CLCF1: variants seen among roughly 807,000 people sequenced by gnomAD.
CLCF1 encodes the protein cardiotrophin-like cytokine factor 1.
In CLCF1, 10 loss-of-function variants were observed where a neutral mutation model predicts 21.2. The observed-to-expected ratio is 0.47, with a 90% CI of 0.29 to 0.80. The LOEUF is 0.80. CLCF1 is among the 30% of genes least tolerant of loss of function. The pLI is 0.09. For missense variants in CLCF1, 240 were observed against 293.4 expected (o/e 0.82, Z 1.33); for synonymous variants, 115 against 120.5 (o/e 0.95, Z 0.30).
rs1862070224 is a variant in CLCF1, at chr11:67,365,205, G to GT, written c.608dup (p.Asn203LysfsTer42). 1 of 1,613,934 alleles carries GT rather than the reference G, an allele frequency of 6.2e-7. No individual in the cohort carries two copies. Among genetic ancestry groups the GT allele is most frequent in the Non-Finnish European group, 8.5e-7 (1 of 1,180,042 alleles). On this transcript the variant is annotated frameshift_variant, in exon 3 of 3. Transcript: ENST00000312438. LOFTEE classifies it high-confidence loss of function. The surrounding 1 kb of genome is among the most constrained non-coding windows in gnomAD (Gnocchi z 5.0). ...GAGGCTGCATCTTCTTCTTGAGCCG[G>GT]TTGAAGTCCTTGGCCGAGCGCCACA...
upstream of CLCF1, chr11:67,374,135 GAC>G: frequency 1.0e-6 from 1 of 985,668 alleles, no homozygotes; most frequent in Non-Finnish European, 1.2e-6. Flanking sequence ...TAAATGCAAT[GAC>G]ACATTCTCCC....
At position 67,372,989 on chromosome 11, in the gene CLCF1, T is replaced by G. The variant is rs1243000063; in HGVS notation, c.16+535A>C. Reference sequence around the variant, plus strand: ...GGCCCGGCCCAGCCAGGCTCGGCGCTGCCCTCCGCCCTCCTCTCCGCCGCC... The same window carrying G: ...GGCCCGGCCCAGCCAGGCTCGGCGCGGCCCTCCGCCCTCCTCTCCGCCGCC... On this transcript the variant is annotated intron_variant, in intron 1 of 2. Coordinates refer to ENST00000312438, the MANE Select transcript of CLCF1 (RefSeq NM_013246.3). The surrounding 1 kb of genome is among the most constrained non-coding windows in gnomAD (Gnocchi z 5.9). Among the ~76,000 whole-genome samples, 11 of 149,408 alleles carry G rather than the reference T, an allele frequency of 7.4e-5. No individual in the cohort carries two copies. The highest frequency in any genetic ancestry group is 1.6e-4 in the Non-Finnish European group (11 of 67,122).
In CLCF1 at chr11:67,367,446, C is replaced by A. The variant is rs761391507; in HGVS notation, c.183+14G>T. On this transcript the variant is annotated intron_variant, in intron 2 of 2. Transcript: ENST00000312438. ...CTCCTCCCCAACTCCCAGATTCCTA[C>A]GCTGGATACTCACATAGGTCCCAGC... is the stretch of plus-strand genomic sequence containing the variant. The A allele has an allele frequency of 1.2e-6, 2 of 1,614,200 alleles. No homozygotes were observed. Among genetic ancestry groups the A allele is most frequent in the Admixed American group, 1.7e-5 (1 of 60,032 alleles).
Position 67,364,877 on chromosome 11 carries a change from C to T in CLCF1, c.*259G>A. ...ATGAGCGCCTCTGCACCAACCTGAA[C>T]CACTTCACACTCCCTCGAGCATGAC... is the stretch of plus-strand genomic sequence containing the variant. On this transcript the variant is annotated 3_prime_UTR_variant, in exon 3 of 3. Transcript: ENST00000312438. The T allele has an allele frequency of 1.8e-6, 1 of 543,742 alleles. No individual in the cohort carries two copies. Among genetic ancestry groups the T allele is most frequent in the Non-Finnish European group, 3.2e-6 (1 of 311,610 alleles). 33.7% of individuals were successfully genotyped at this position (543,742 alleles called of 1,614,324 possible).
chr11:67,366,128 T>A (rs183729786), intron 2 of CLCF1, among the ~76,000 whole-genome samples: 2 of 151,906 alleles, frequency 1.3e-5, no homozygotes, highest in Non-Finnish European at 2.9e-5. Context: ...GGCAAGGAGG[T>A]GCCTGACGAC....
chr11:67,365,153 C>T lies in CLCF1; in HGVS notation c.661G>A (p.Gly221Arg), dbSNP rs757714256. 11 of 1,610,330 alleles carry T rather than the reference C, an allele frequency of 6.8e-6. No individual in the cohort carries two copies. Among genetic ancestry groups the T allele is most frequent in the Non-Finnish European group, 9.3e-6 (11 of 1,179,844 alleles). Reference sequence around the variant, plus strand: ...GTCAGAAGTCAGAAGCCATGAGCCCCCAGGTGCAGGGTGACTGCAGCTGCT... The same window carrying T: ...GTCAGAAGTCAGAAGCCATGAGCCCTCAGGTGCAGGGTGACTGCAGCTGCT... ...PPAAAVTLHLGAHGF is the reference protein window; with the variant it reads ...PPAAAVTLHLRAHGF The change falls in exon 3 of 3, where the codon GGG becomes AGG. Residue 221 changes from glycine to arginine, a missense_variant. By Grantham distance (125) the Gly-to-Arg change is moderately radical (BLOSUM62 -2). Coordinates refer to ENST00000312438, the MANE Select transcript of CLCF1 (RefSeq NM_013246.3). This position sits in a 1 kb window ranked among gnomAD's most constrained non-coding sequence, Gnocchi z 5.0.
chr11:67,372,249 C>T lies in CLCF1; in HGVS notation c.16+1275G>A, dbSNP rs1192158981. Among the ~76,000 whole-genome samples the T allele has an allele frequency of 1.3e-5, 2 of 152,024 alleles. No homozygotes were observed. The highest frequency in any genetic ancestry group is 2.9e-5 in the Non-Finnish European group (2 of 67,974). The stretch of plus-strand genomic sequence containing the variant: ...GCTTAGCCTCCACCCGCCCGTCTCC[C>T]CTCCTCTCCTGGTAGCCCCTCACAC... On this transcript the variant is annotated intron_variant, in intron 1 of 2. Coordinates refer to ENST00000312438, the MANE Select transcript of CLCF1 (RefSeq NM_013246.3). This position sits in a 1 kb window ranked among gnomAD's most constrained non-coding sequence, Gnocchi z 5.9.
At position 67,372,729 on chromosome 11, in the gene CLCF1, G is replaced by C. The variant is rs1375961278; in HGVS notation, c.16+795C>G. 6.7e-6 allele frequency among the ~76,000 whole-genome samples: 1 copy of C among 149,872 alleles called. No homozygotes were observed. Among genetic ancestry groups the C allele is most frequent in the Non-Finnish European group, 1.5e-5 (1 of 67,014 alleles). ...CCCCTCCTGCCCGGGCTGAGCGGCT[G>C]CTCCCGCCGCTCCCTGGCCAGTGAC... On this transcript the variant is annotated intron_variant, in intron 1 of 2. Transcript: ENST00000312438. This position sits in a 1 kb window ranked among gnomAD's most constrained non-coding sequence, Gnocchi z 5.9.
At chr11:67,366,972 C>T (rs1201540912) in intron 2 of CLCF1, among the ~76,000 whole-genome samples, 1 of 152,070 alleles carries the variant, frequency 6.6e-6, no homozygotes, top group Non-Finnish European at 1.5e-5. Flanking sequence ...CCCTACAGTC[C>T]CCTTCCCCCA....
intron 2 of CLCF1, among the ~76,000 whole-genome samples, chr11:67,366,985 AC>A (rs35983106): frequency 6.6e-6 from 1 of 150,826 alleles, no homozygotes; most frequent in African/African-American, 2.4e-5. Flanking sequence ...TTCCCCCATG[AC>A]CCCCCTAGGA....
rs945563585 is a variant in CLCF1, at chr11:67,368,188, G to A, written c.17-562C>T. On this transcript the variant is annotated intron_variant, in intron 1 of 2. Coordinates refer to ENST00000312438, the MANE Select transcript of CLCF1 (RefSeq NM_013246.3). Reference sequence around the variant, plus strand: ...CAAGGTATAGGGTTAGACCACTAGGGTCGGGCTGCCTTATGGGGCTTAGTT... The same window carrying A: ...CAAGGTATAGGGTTAGACCACTAGGATCGGGCTGCCTTATGGGGCTTAGTT... The A allele has an allele frequency of 7.7e-5, 76 of 985,408 alleles. No homozygotes were observed. The Middle Eastern group carries it at 1.6e-3, about 20-fold the overall frequency. 61.0% of individuals were successfully genotyped at this position (985,408 alleles called of 1,614,324 possible). A position where few individuals can be genotyped will look rare whatever the true frequency, so the allele number is the denominator to read the frequency against.
At chr11:67,373,485 G>A in intron 1 of CLCF1, 39 bp downstream of exon 1, 1 of 1,115,070 alleles carries the variant, frequency 9.0e-7, no homozygotes, top group Non-Finnish European at 1.3e-6. Context: ...TGGCTGCTTG[G>A]CGGGGCGGGG....
At chr11:67,374,093 A>T, upstream of CLCF1, 4 of 985,634 alleles carry the variant, frequency 4.1e-6, no homozygotes, top group Non-Finnish European at 4.8e-6. Context: ...CTGCCTCCTC[A>T]TCTCTAACCT....
intron 1 of CLCF1, chr11:67,368,871 G>C (rs1862170319): frequency 1.0e-6 from 1 of 978,814 alleles, no homozygotes; most frequent in African/African-American, 1.8e-5. Flanking sequence ...GAATAGGTGT[G>C]AGGTCATGAG....
In CLCF1 at chr11:67,373,550, C is replaced by T; in HGVS notation, c.-11G>A. The T allele has an allele frequency of 7.2e-7, 1 of 1,383,734 alleles. No homozygotes were observed. The highest frequency in any genetic ancestry group is 9.4e-7 in the Non-Finnish European group (1 of 1,068,844). The allele number at this position is 1,383,734 out of a possible 1,614,324, so 85.7% of individuals were successfully genotyped here. On this transcript the variant is annotated 5_prime_UTR_variant, in exon 1 of 3. Coordinates refer to ENST00000312438, the MANE Select transcript of CLCF1 (RefSeq NM_013246.3). The stretch of plus-strand genomic sequence containing the variant: ...TGCTCGGAGGTCCATGGGGCTGGGG[C>T]CGGGCCGGCCGGGTGCGGCTCCTCT...
At chr11:67,373,376 G>A (rs1028318374) in intron 1 of CLCF1, 148 bp downstream of exon 1, 11 of 411,444 alleles carry the variant, frequency 2.7e-5, no homozygotes, top group Non-Finnish European at 3.8e-5. Context: ...CCCCTCTCGA[G>A]GGCGCCCAGC....
chr11:67,365,734 A>G lies in CLCF1; in HGVS notation c.184-104T>C. 1 of 1,480,076 alleles carries G rather than the reference A, an allele frequency of 6.8e-7. No homozygotes were observed. The highest frequency in any genetic ancestry group is 1.4e-5 in the South Asian group (1 of 72,068). The allele number at this position is 1,480,076 out of a possible 1,614,324, so 91.7% of individuals were successfully genotyped here. Reference sequence around the variant, plus strand: ...GTTTCTATTTTTTGTGTCCCCTGACACTGGCCCTGTCTCCATGCTAGGCTT... The same window carrying G: ...GTTTCTATTTTTTGTGTCCCCTGACGCTGGCCCTGTCTCCATGCTAGGCTT... On this transcript the variant is annotated intron_variant, in intron 2 of 2. Transcript: ENST00000312438. This position sits in a 1 kb window ranked among gnomAD's most constrained non-coding sequence, Gnocchi z 5.0.
At chr11:67,368,566 G>A (rs1862165060) in intron 1 of CLCF1, 1 of 985,334 alleles carries the variant, frequency 1.0e-6, no homozygotes, top group Admixed American at 6.1e-5. Flanking sequence ...GGACCAAGGT[G>A]AGGATTCAGT....
intron 2 of CLCF1, among the ~76,000 whole-genome samples, chr11:67,366,781 A>G (rs1862109096): frequency 6.6e-6 from 1 of 151,990 alleles, no homozygotes; most frequent in Non-Finnish European, 1.5e-5. Flanking sequence ...CTGGCTCCAG[A>G]GTAGGGTCTG....
Sources: gnomAD v4.1 joint callset for allele counts (sites outside exome capture counted in the v4.1 genomes callset) on GRCh38, gnomAD v4.1.1 for gene constraint, Gnocchi (gnomAD v3.1) non-coding constraint, MANE v1.5 for transcripts, NCBI Gene and HGNC (gene_info 2026-07-23, HGNC 2026-07-21) for gene names.